DAB1: variants seen among roughly 807,000 people sequenced by gnomAD.
DAB1 encodes DAB adaptor protein 1.
A neutral mutation model predicts 64.6 loss-of-function variants in DAB1; 15 were observed. That is an observed-to-expected ratio of 0.23 (90% CI 0.16 to 0.36). The LOEUF is 0.36. DAB1 is among the 10% of genes least tolerant of loss of function. The pLI is 1.00. For synonymous variants in DAB1, 235 were observed against 251.9 expected, an observed-to-expected ratio of 0.93 and a Z score of 0.64; for missense variants, 596 against 706.7, an observed-to-expected ratio of 0.84 and a Z score of 1.78.
chr1:57,265,234 G>A (rs903671029), intron 2 of DAB1, among the ~76,000 whole-genome samples: 10 of 152,150 alleles, frequency 6.6e-5, no homozygotes, highest in East Asian at 1.9e-4. Flanking sequence ...TCTCTCTTCT[G>A]GTGAGTCAGC....
intron 3 of DAB1, among the ~76,000 whole-genome samples, chr1:58,446,686 C>A (rs536652313): frequency 7.2e-5 from 11 of 152,324 alleles, no homozygotes; most frequent in African/African-American, 2.4e-4. Context: ...TGTGTACTCT[C>A]TGCTGTCAAC....
chr1:57,768,239 C>T (rs1429744688), intron 6 of DAB1, among the ~76,000 whole-genome samples: 1 of 147,584 alleles, frequency 6.8e-6, no homozygotes, highest in East Asian at 2.0e-4. Flanking sequence ...CAGATCTCAT[C>T]TCCATTTCTT....
intron 6 of DAB1, among the ~76,000 whole-genome samples, chr1:57,724,335 AGAGGG>A (rs1457097221): frequency 1.2e-5 from 1 of 82,984 alleles, no homozygotes; most frequent in Non-Finnish European, 2.2e-5. Context: ...AGGAAGGAAG[AGAGGG>A]GAGGGGAGGG....
intron 5 of DAB1, among the ~76,000 whole-genome samples, chr1:58,139,732 G>A (rs184557255): frequency 9.2e-5 from 14 of 152,332 alleles, no homozygotes; most frequent in Admixed American, 9.2e-4. Context: ...GCTAAAAGAT[G>A]TAATTTGATT....
At chr1:58,338,048 A>G (rs1189943464) in intron 4 of DAB1, among the ~76,000 whole-genome samples, 1 of 152,216 alleles carries the variant, frequency 6.6e-6, no homozygotes, top group Admixed American at 6.5e-5. Flanking sequence ...TAACATTTGA[A>G]GACAACTCTT....
intron 4 of DAB1, among the ~76,000 whole-genome samples, chr1:57,109,108 A>T (rs543794713): frequency 2.5e-4 from 38 of 152,232 alleles, no homozygotes; most frequent in African/African-American, 8.2e-4. Context: ...GATCTTTCTG[A>T]TGGACTGAAA....
intron 6 of DAB1, among the ~76,000 whole-genome samples, chr1:57,709,304 G>A (rs559132386): frequency 6.6e-6 from 1 of 152,058 alleles, no homozygotes; most frequent in South Asian, 2.1e-4. Context: ...AATGACTATA[G>A]TTTACATTGG....
chr1:57,589,256 A>G (rs189248970), intron 7 of DAB1, among the ~76,000 whole-genome samples: 1 of 152,204 alleles, frequency 6.6e-6, no homozygotes, highest in South Asian at 2.1e-4. Context: ...CCATATGTTT[A>G]TCATTTCAAA....
intron 1 of DAB1, among the ~76,000 whole-genome samples, chr1:57,399,815 G>A (rs1447128177): frequency 2.0e-5 from 3 of 152,150 alleles, no homozygotes; most frequent in African/African-American, 7.2e-5. Context: ...ATATGCATCA[G>A]CTCCAGCCAT....
chr1:57,589,343 C>A (rs1206985334), intron 7 of DAB1, among the ~76,000 whole-genome samples: 1 of 151,982 alleles, frequency 6.6e-6, no homozygotes, highest in Non-Finnish European at 1.5e-5. Context: ...AAGTAATAAC[C>A]TGGAGAAAAT....
intron 9 of DAB1, among the ~76,000 whole-genome samples, chr1:57,058,485 C>T (rs997608730): frequency 1.3e-5 from 2 of 152,134 alleles, no homozygotes; most frequent in Non-Finnish European, 2.9e-5. Flanking sequence ...TACTCTGTGT[C>T]GATGCTTACT....
chr1:57,740,412 T>C (rs1322713741), intron 6 of DAB1, among the ~76,000 whole-genome samples: 5 of 152,178 alleles, frequency 3.3e-5, no homozygotes, highest in Non-Finnish European at 7.3e-5. Flanking sequence ...ATAAAGATAC[T>C]AGACCTCAGT....
Position 57,919,989 on chromosome 1 carries a change from T to C in DAB1, n.388-35827A>G, listed in dbSNP as rs528632773. On this transcript the variant is annotated intron_variant and non_coding_transcript_variant, in intron 5 of 20. Transcript: ENST00000485760. ...TCTTCCCCAGCCTAATCTGGATTTA[T>C]AGAGTTTATTTTTCCTAAATTGCTC... Among the ~76,000 whole-genome samples the C allele has an allele frequency of 3.9e-5, 6 of 152,348 alleles. No individual in the cohort carries two copies. The South Asian group carries it at 6.2e-4, about 16-fold the overall frequency.
chr1:57,379,525 A>T (rs985095336), intron 1 of DAB1, among the ~76,000 whole-genome samples: 2 of 152,080 alleles, frequency 1.3e-5, no homozygotes, highest in East Asian at 3.9e-4. Context: ...AACTGGGTAA[A>T]TTTTCCCCAT....
intron 6 of DAB1, among the ~76,000 whole-genome samples, chr1:57,731,804 C>A (rs1233989924): frequency 5.4e-5 from 8 of 147,622 alleles, no homozygotes; most frequent in South Asian, 2.2e-4. Flanking sequence ...GATGCTGTCT[C>A]AAAAAAAAAA....
chr1:58,088,302 A>C (rs17116869), intron 5 of DAB1, among the ~76,000 whole-genome samples: 31,008 of 152,170 alleles, frequency 0.2, 3,483 homozygotes, highest in East Asian at 0.39. Flanking sequence ...AGACACTGAA[A>C]AATGAGACAC....
chr1:58,300,645 AGAGGAAGG>A (rs1340734391), intron 4 of DAB1, among the ~76,000 whole-genome samples: 59 of 55,818 alleles, frequency 1.1e-3, no homozygotes, highest in Middle Eastern at 0.016. Context: ...AGAGAGAGAG[AGAGGAAGG>A]AAGGAAGGAA....
chr1:57,904,544 A>C (rs991146218), intron 5 of DAB1, among the ~76,000 whole-genome samples: 1 of 152,340 alleles, frequency 6.6e-6, no homozygotes, highest in Non-Finnish European at 1.5e-5. Context: ...TGGAAAATAA[A>C]GAGGAAGAGT....
intron 5 of DAB1, among the ~76,000 whole-genome samples, chr1:58,089,693 G>A (rs765782786): frequency 2.6e-5 from 4 of 152,248 alleles, no homozygotes; most frequent in Admixed American, 1.3e-4. Context: ...GGATAGCTCC[G>A]GTGCCCAGCG....
Sources: gnomAD v4.1 joint callset for allele counts (sites outside exome capture counted in the v4.1 genomes callset) on GRCh38, gnomAD v4.1.1 for gene constraint, MANE v1.5 for transcripts, NCBI Gene and HGNC (gene_info 2026-07-23, HGNC 2026-07-21) for gene names.